The following BMPR2 variants were observed in gnomAD, a reference collection of about 807,000 sequenced individuals.
BMPR2 encodes bone morphogenetic protein receptor type-2.
Under a neutral mutation model 100.8 loss-of-function variants are expected in BMPR2, and 29 were observed. The ratio of observed to expected loss-of-function variants is 0.29; its 90% CI spans 0.21 to 0.39. The LOEUF (loss-of-function observed/expected upper bound fraction) is 0.39, where lower values mean the gene tolerates loss of function less well. Among genes scored for constraint, BMPR2 ranks in the 10% least tolerant of loss-of-function variants. BMPR2 has a pLI of 1.00. For missense variants in BMPR2, 1,011 were observed against 1,274.5 expected (o/e 0.79, Z 3.15); for synonymous variants, 382 against 442.3 (o/e 0.86, Z 1.71).
At chr2:202,390,678 A>G (rs1331574142) in intron 1 of BMPR2, among the ~76,000 whole-genome samples, 3 of 152,022 alleles carry the variant, frequency 2.0e-5, no homozygotes, top group South Asian at 2.1e-4. Context: ...ACGTAATATC[A>G]TTCTTTTCAA....
Position 202,559,784 on chromosome 2 carries a change from C to T in BMPR2, c.2955C>T (p.Arg985=), listed in dbSNP as rs1266222377. 1 of 1,614,092 alleles carries T rather than the reference C, an allele frequency of 6.2e-7. No individual in the cohort carries two copies. ...VKTPYSLKRW[R]PSTWVISTES... is the part of the protein sequence containing the mutation. ...CTCCCTATTCTCTTAAGCGGTGGCG[C>T]CCCTCCACCTGGGTCATCTCCACTG... The change falls in exon 13 of 13, where the codon CGC becomes CGT. Residue 985 remains arginine (R), a synonymous_variant. Transcript: ENST00000374580.
At chr2:202,558,302 G>A (rs1223149450) in intron 12 of BMPR2, among the ~76,000 whole-genome samples, 1 of 152,050 alleles carries the variant, frequency 6.6e-6, no homozygotes, top group Non-Finnish European at 1.5e-5. Flanking sequence ...AGTAAAGGAG[G>A]GGTTTCGCCA....
chr2:202,386,675 T>G (rs539975153), intron 1 of BMPR2, among the ~76,000 whole-genome samples: 1 of 151,864 alleles, frequency 6.6e-6, no homozygotes, highest in Admixed American at 6.6e-5. Flanking sequence ...TGAGTGACCC[T>G]TTTCTTTTCT....
At chr2:202,433,938 G>A (rs1691558263) in intron 1 of BMPR2, among the ~76,000 whole-genome samples, 1 of 150,546 alleles carries the variant, frequency 6.6e-6, no homozygotes, top group South Asian at 2.1e-4. Context: ...GGACAGGACA[G>A]TGTTAAAGAT....
chr2:202,421,756 T>C (rs1051804593), intron 1 of BMPR2, among the ~76,000 whole-genome samples: 1 of 151,248 alleles, frequency 6.6e-6, no homozygotes, highest in South Asian at 2.1e-4. Flanking sequence ...AAAAAGTCAC[T>C]TCCACTAGAA....
chr2:202,380,604 A>T (rs1239503908), intron 1 of BMPR2, among the ~76,000 whole-genome samples: 1 of 150,308 alleles, frequency 6.7e-6, no homozygotes. Flanking sequence ...TTATATCATC[A>T]GTCCTGATTG....
chr2:202,382,753 G>A (rs115766288), intron 1 of BMPR2, among the ~76,000 whole-genome samples: 194 of 152,322 alleles, frequency 1.3e-3, no homozygotes, highest in African/African-American at 4.5e-3. Context: ...ACTGTTGGGA[G>A]TTAATGAGAC....
chr2:202,470,843 G>A (rs902897803), intron 3 of BMPR2, among the ~76,000 whole-genome samples: 3 of 151,936 alleles, frequency 2.0e-5, no homozygotes, highest in Non-Finnish European at 4.4e-5. Flanking sequence ...AAGGCAAGAG[G>A]ACTGCTTGAT....
At chr2:202,406,363 C>T (rs1690891855) in intron 1 of BMPR2, among the ~76,000 whole-genome samples, 6 of 152,194 alleles carry the variant, frequency 3.9e-5, no homozygotes, top group Admixed American at 3.3e-4. Flanking sequence ...AGAGAAGATG[C>T]TCTTACTTTG....
chr2:202,513,965 C>T (rs113223663), intron 4 of BMPR2, 136 bp downstream of exon 4: 17 of 640,320 alleles, frequency 2.7e-5, no homozygotes, highest in African/African-American at 2.2e-4. Flanking sequence ...AATAGTATCA[C>T]GTATGGACAG....
chr2:202,472,702 A>G (rs1692460207), intron 3 of BMPR2, among the ~76,000 whole-genome samples: 1 of 152,244 alleles, frequency 6.6e-6, no homozygotes, highest in African/African-American at 2.4e-5. Context: ...ACATATCCTC[A>G]AAGATCTTTA....
chr2:202,556,321 C>G lies in BMPR2; in HGVS notation c.2656C>G (p.Arg886Gly), dbSNP rs148770894. 6.2e-7 allele frequency: 1 copy of G among 1,614,158 alleles called. No individual in the cohort carries two copies. Among genetic ancestry groups the G allele is most frequent in the Admixed American group, 1.7e-5 (1 of 60,018 alleles). Reference protein sequence around the residue: ...QAGHDEGVLDRLVDRRERPLE... With the variant: ...QAGHDEGVLDGLVDRRERPLE... ...TGGCCATGATGAAGGTGTTCTGGAT[C>G]GTCTTGTGGACAGGAGGGAACGGCC... Residue 886 changes from arginine to glycine, a missense_variant, in exon 12 of 13, where the codon CGT (arginine) becomes GGT (glycine). Arg to Gly is a moderately radical substitution (Grantham distance 125). Transcript: ENST00000374580.
chr2:202,541,241 G>C (rs746012923), intron 9 of BMPR2, among the ~76,000 whole-genome samples: 5 of 151,994 alleles, frequency 3.3e-5, no homozygotes, highest in Non-Finnish European at 5.9e-5. Flanking sequence ...AGAAGTATGA[G>C]ACCAGCCTGG....
chr2:202,449,277 C>T (rs1045458064), intron 1 of BMPR2, among the ~76,000 whole-genome samples: 1 of 151,468 alleles, frequency 6.6e-6, no homozygotes, highest in Non-Finnish European at 1.5e-5. Flanking sequence ...TGTTACACTC[C>T]AGCCTGGTCA....
rs572718627 is a variant in BMPR2 at position 202,470,931 on chromosome 2, C to T, written c.418+3242C>T. On this transcript the variant is annotated intron_variant, in intron 3 of 12. Transcript: ENST00000374580. ...TTAAAAAGTAGCCAGGTGTGGCACA[C>T]GCCTGTAGTCCCAGCTACTTGAGAG... Among the ~76,000 whole-genome samples the T allele has an allele frequency of 4.6e-5, 7 of 152,204 alleles. No individual in the cohort carries two copies. In the East Asian group the frequency reaches 9.7e-4, roughly 21 times the overall value.
At chr2:202,538,117 A>G (rs938805056) in intron 9 of BMPR2, among the ~76,000 whole-genome samples, 8 of 151,610 alleles carry the variant, frequency 5.3e-5, no homozygotes, top group South Asian at 2.1e-4. Context: ...ACGAGACTCC[A>G]TGTCAAAAAC....
In BMPR2 at chr2:202,376,511, AGGC is replaced by A. The variant is rs375624016; in HGVS notation, c.-930_-928del. On this transcript the variant is annotated 5_prime_UTR_variant, in exon 1 of 13. Coordinates refer to ENST00000374580, the MANE Select transcript of BMPR2 (RefSeq NM_001204.7). ...AGGAGCCCAGAGCTGCGGGAGAACGAGGCGGCGGCGGCGGCGGCGGCGGCGGCG... is the reference window on the plus strand; with the variant it reads ...AGGAGCCCAGAGCTGCGGGAGAACGAGGCGGCGGCGGCGGCGGCGGCGGCG... Among the ~76,000 whole-genome samples, 699 of 125,828 alleles carry A rather than the reference AGGC, an allele frequency of 5.6e-3. 4 individuals are homozygous for A. Among genetic ancestry groups the A allele is most frequent in the African/African-American group, 8.9e-3 (302 of 34,000 alleles). 82.5% of individuals were successfully genotyped at this position (125,828 alleles called of 152,430 possible).
At chr2:202,518,701 T>G in intron 5 of BMPR2, 121 bp from the exon 6 acceptor site, 1 of 859,346 alleles carries the variant, frequency 1.2e-6, no homozygotes, top group Non-Finnish European at 1.9e-6. Context: ...TTCTTGATAA[T>G]GGAATAAACT....
At chr2:202,535,796 T>C (rs1200028158) in intron 9 of BMPR2, among the ~76,000 whole-genome samples, 1 of 152,120 alleles carries the variant, frequency 6.6e-6, no homozygotes, top group African/African-American at 2.4e-5. Flanking sequence ...CTGGGCACCA[T>C]TGAGCACTGA....
Sources: gnomAD v4.1 joint callset for allele counts (sites outside exome capture counted in the v4.1 genomes callset) on GRCh38, gnomAD v4.1.1 for gene constraint, MANE v1.5 for transcripts, NCBI Gene and HGNC (gene_info 2026-07-23, HGNC 2026-07-21) for gene names.